Variants in ADD3 observed in about 807,000 individuals in gnomAD.
ADD3 encodes gamma-adducin.
A neutral mutation model predicts 80.2 loss-of-function variants in ADD3; 25 were observed. That is an observed-to-expected ratio of 0.31 (90% CI 0.23 to 0.44). ADD3 has a LOEUF of 0.44. ADD3 is among the 20% of genes least tolerant of loss of function. The pLI is 1.00. For missense variants in ADD3, 829 were observed against 847.5 expected, an observed-to-expected ratio of 0.98 and a Z score of 0.27; for synonymous variants, 284 against 289.6, an observed-to-expected ratio of 0.98 and a Z score of 0.20.
chr10:110,103,628 C>G (rs1003287718), intron 2 of ADD3, among the ~76,000 whole-genome samples: 1 of 152,202 alleles, frequency 6.6e-6, no homozygotes, highest in Middle Eastern at 3.2e-3. Context: ...GTGAGTCTTT[C>G]AATTCTCCCC....
At chr10:110,010,792 A>G (rs1047079780) in intron 1 of ADD3, among the ~76,000 whole-genome samples, 1 of 152,254 alleles carries the variant, frequency 6.6e-6, no homozygotes, top group Non-Finnish European at 1.5e-5. Flanking sequence ...GAGTGAGCCC[A>G]TGTAACCACT....
intron 1 of ADD3, among the ~76,000 whole-genome samples, chr10:110,097,949 G>A (rs1027089531): frequency 6.6e-6 from 1 of 151,820 alleles, no homozygotes; most frequent in African/African-American, 2.4e-5. Context: ...TAATTTTTTT[G>A]TATTTTTAAT....
chr10:110,111,654 G>A (rs1424354645), intron 2 of ADD3, among the ~76,000 whole-genome samples: 5 of 152,132 alleles, frequency 3.3e-5, no homozygotes, highest in African/African-American at 1.2e-4. Flanking sequence ...GGTGGCTCAC[G>A]CCTGTAATCC....
At chr10:110,004,358 C>A (rs1851552591), upstream of ADD3, among the ~76,000 whole-genome samples, 1 of 151,366 alleles carries the variant, frequency 6.6e-6, no homozygotes, top group Admixed American at 6.6e-5. Context: ...CACTGTGAAA[C>A]CCTGTCTCTA....
chr10:110,077,119 G>C (rs927357741), intron 1 of ADD3: 1 of 152,158 alleles, frequency 6.6e-6, no homozygotes, highest in South Asian at 2.1e-4. Flanking sequence ...CAATTTTTTT[G>C]TAAGTAATGG....
chr10:110,049,283 T>C (rs546277917), intron 1 of ADD3, among the ~76,000 whole-genome samples: 1 of 152,134 alleles, frequency 6.6e-6, no homozygotes, highest in Admixed American at 6.5e-5. Flanking sequence ...GAACCTCTGC[T>C]AGAGCAGTGC....
Position 110,133,648 on chromosome 10 carries a change from CA to C in ADD3, c.*32del. Reference sequence around the variant, plus strand: ...AGTCTTTTTATAATTATTATTATAACAATGTGACATTGCACATCTAAATACC... The same window carrying C: ...AGTCTTTTTATAATTATTATTATAACATGTGACATTGCACATCTAAATACC... On this transcript the variant is annotated 3_prime_UTR_variant, in exon 15 of 15. Coordinates refer to ENST00000356080, the MANE Select transcript of ADD3 (RefSeq NM_016824.5). 1 of 1,476,854 alleles carries C rather than the reference CA, an allele frequency of 6.8e-7. No homozygotes were observed. Among genetic ancestry groups the C allele is most frequent in the Non-Finnish European group, 9.1e-7 (1 of 1,100,446 alleles). The allele number at this position is 1,476,854 out of a possible 1,614,324, so 91.5% of individuals were successfully genotyped here.
intron 1 of ADD3, among the ~76,000 whole-genome samples, chr10:110,090,915 T>C (rs1412470245): frequency 6.6e-6 from 1 of 152,220 alleles, no homozygotes; most frequent in Non-Finnish European, 1.5e-5. Context: ...TAAACAACTA[T>C]AGATTTATTA....
At chr10:110,118,449 G>T (rs1851057719) in intron 5 of ADD3, 138 bp from the exon 6 acceptor site, 3 of 642,566 alleles carry the variant, frequency 4.7e-6, no homozygotes, top group East Asian at 2.7e-5. Flanking sequence ...TTGAGTAATT[G>T]CAGCAGAGGC....
chr10:110,003,259 A>G (rs568986611), upstream of ADD3, among the ~76,000 whole-genome samples: 2 of 151,258 alleles, frequency 1.3e-5, no homozygotes, highest in South Asian at 4.2e-4. Flanking sequence ...AACCCAAGGG[A>G]AAATCCTCAA....
At chr10:110,119,054 G>C (rs191180952) in intron 6 of ADD3, among the ~76,000 whole-genome samples, 157 bp from the exon 7 acceptor site, 3 of 152,206 alleles carry the variant, frequency 2.0e-5, no homozygotes, top group South Asian at 4.1e-4. Context: ...GTGTGTGGAA[G>C]AAACAAAATG....
chr10:110,107,405 A>T (rs1432655239), intron 2 of ADD3, among the ~76,000 whole-genome samples: 1 of 152,114 alleles, frequency 6.6e-6, no homozygotes, highest in East Asian at 1.9e-4. Flanking sequence ...GAGCAGGGCT[A>T]GAGAAGTGCA....
chr10:110,125,869 C>A lies in ADD3; in HGVS notation c.1445C>A (p.Pro482His). Residue 482 changes from proline (P) to histidine (H), a missense_variant, in exon 11 of 15, where the codon CCT (proline) becomes CAT (histidine). Pro to His is a moderately conservative substitution (Grantham distance 77). Transcript: ENST00000356080. ...EDSSKVSGGT[P>H]IKIEDPNQFV... ...TCATCTAAAGTTAGTGGTGGAACAC[C>A]TATCAAAATTGAAGATCCAAATCAG... The A allele has an allele frequency of 6.2e-6, 10 of 1,609,794 alleles. No homozygotes were observed. The highest frequency in any genetic ancestry group is 6.8e-6 in the Non-Finnish European group (8 of 1,177,080).
chr10:110,063,780 T>TATATATATAAATATAAATAA (rs1554927136), intron 1 of ADD3, among the ~76,000 whole-genome samples: 2 of 112,580 alleles, frequency 1.8e-5, no homozygotes, highest in African/African-American at 6.8e-5. Flanking sequence ...TATATATATA[T>TATATATATAAATATAAATAA]ATAAAGTGAA....
intron 1 of ADD3, among the ~76,000 whole-genome samples, chr10:110,020,847 C>G (rs569809151): frequency 1.6e-4 from 25 of 152,270 alleles, no homozygotes; most frequent in Admixed American, 3.3e-4. Context: ...AGGAGTCAAA[C>G]TTGACACCAA....
At chr10:110,131,408 G>A (rs763549871) in intron 13 of ADD3, among the ~76,000 whole-genome samples, 9 of 152,176 alleles carry the variant, frequency 5.9e-5, no homozygotes, top group Non-Finnish European at 1.3e-4. Flanking sequence ...TACACATTTA[G>A]GGAGGGAAGG....
chr10:110,066,641 G>T (rs1335666122), intron 1 of ADD3, among the ~76,000 whole-genome samples: 1 of 150,870 alleles, frequency 6.6e-6, no homozygotes, highest in Admixed American at 6.6e-5. Context: ...GGTTTTTTTT[G>T]TGGGGTTCTC....
intron 13 of ADD3, 39 bp downstream of exon 13, chr10:110,130,525 C>T (rs1852821359): frequency 1.9e-6 from 3 of 1,603,784 alleles, no homozygotes; most frequent in Non-Finnish European, 2.6e-6. Flanking sequence ...GTAAGCCACA[C>T]TGATAACAAT....
At chr10:110,043,379 A>G (rs749028101) in intron 1 of ADD3, among the ~76,000 whole-genome samples, 12 of 152,260 alleles carry the variant, frequency 7.9e-5, no homozygotes, top group South Asian at 2.1e-4. Context: ...ATGACTTTCT[A>G]TCTTTACTAC....
Sources: allele counts gnomAD v4.1 joint callset (sites outside exome capture counted in the v4.1 genomes callset), GRCh38; gene constraint gnomAD v4.1.1; transcripts MANE v1.5; gene names NCBI Gene and HGNC (gene_info 2026-07-23, HGNC 2026-07-21).